Variants in MOV10L1 observed in about 807,000 individuals in gnomAD.
MOV10L1 encodes the protein Mov10 like RNA helicase 1, also known as RNA helicase Mov10l1.
A neutral mutation model predicts 143.8 loss-of-function variants in MOV10L1; 110 were observed. The ratio of observed to expected loss-of-function variants is 0.76; its 90% confidence interval spans 0.66 to 0.90. The LOEUF is 0.90. MOV10L1 is among the 40% of genes least tolerant of loss of function. The probability of loss-of-function intolerance (pLI) is 0.00; values close to 1 mark genes in which losing one functional copy is unlikely to be tolerated. For missense variants in MOV10L1, 1,406 were observed against 1,526.8 expected (o/e 0.92, Z 1.32); for synonymous variants, 593 against 581.1 (o/e 1.02, Z -0.29).
At chr22:50,106,699 C>CTT (rs71198216) in intron 3 of MOV10L1, among the ~76,000 whole-genome samples, 76 of 120,686 alleles carry the variant, frequency 6.3e-4, no homozygotes, top group African/African-American at 1.0e-3. Context: ...AGGACATGGT[C>CTT]TTTTTTTTTT....
chr22:50,143,947 C>T lies in MOV10L1; in HGVS notation c.2359-150C>T, dbSNP rs138262874. On this transcript the variant is annotated intron_variant, in intron 17 of 26. Transcript: ENST00000262794. ...TGGCAGCAGTGTGATGAGGCAGAGT[C>T]GTGGCCCAGGTCTCAGTGTGTTGGG... The T allele has an allele frequency of 9.0e-4, 889 of 987,616 alleles. 2 individuals carry two copies. The highest frequency in any genetic ancestry group is 1.2e-3 in the Non-Finnish European group (783 of 664,836). 61.2% of individuals were successfully genotyped at this position (987,616 alleles called of 1,614,324 possible).
At chr22:50,111,440 GT>G (rs1460100149) in intron 5 of MOV10L1, among the ~76,000 whole-genome samples, 3 of 128,728 alleles carry the variant, frequency 2.3e-5, no homozygotes, top group African/African-American at 5.9e-5. Flanking sequence ...TTCTGGCTGA[GT>G]TTTTTCCTTT....
At chr22:50,105,997 TA>T (rs1445019276) in intron 3 of MOV10L1, among the ~76,000 whole-genome samples, 1 of 152,234 alleles carries the variant, frequency 6.6e-6, no homozygotes, top group Non-Finnish European at 1.5e-5. Flanking sequence ...GTCTGATTTG[TA>T]CTGTGGTGCT....
chr22:50,121,590 TGGGCA>T (rs1277347952), intron 10 of MOV10L1, among the ~76,000 whole-genome samples: 1 of 152,246 alleles, frequency 6.6e-6, no homozygotes, highest in Non-Finnish European at 1.5e-5. Flanking sequence ...TCACAGATCC[TGGGCA>T]GGGAGGTTGC....
chr22:50,108,844 G>A lies in MOV10L1; in HGVS notation c.743G>A (p.Arg248Gln), dbSNP rs1167734307. 1.9e-5 allele frequency: 31 copies of A among 1,613,602 alleles called. No homozygotes were observed. The highest frequency in any genetic ancestry group is 3.3e-4 in the Middle Eastern group (2 of 6,072). Residue 248 changes from arginine (R) to glutamine (Q), a missense_variant and splice_region_variant, in exon 5 of 27, where the codon CGA becomes CAA. Arg to Gln is a conservative substitution (Grantham distance 43). Coordinates refer to ENST00000262794, the MANE Select transcript of MOV10L1 (RefSeq NM_018995.3). The part of the protein sequence containing the change: ...RALCMTLVKR[R>Q]DAAPVHEATH... ...CTTTGTATGACCCTAGTGAAGAGGCGGTAAGAAAATGCTTTTCTGGCCAGG... is the reference window on the plus strand; with the variant it reads ...CTTTGTATGACCCTAGTGAAGAGGCAGTAAGAAAATGCTTTTCTGGCCAGG...
chr22:50,153,595 C>T (rs2063352452), intron 22 of MOV10L1, among the ~76,000 whole-genome samples: 1 of 152,158 alleles, frequency 6.6e-6, no homozygotes, highest in Admixed American at 6.5e-5. Flanking sequence ...CGCCTCCCTC[C>T]CGGTGCTTCC....
intron 15 of MOV10L1, among the ~76,000 whole-genome samples, chr22:50,141,628 C>T (rs1182837094): frequency 1.3e-5 from 2 of 152,028 alleles, no homozygotes; most frequent in Non-Finnish European, 2.9e-5. Context: ...GCGTGAGCCC[C>T]GTGCCCGGCC....
rs368420186 is a variant in MOV10L1 at position 50,091,992 on chromosome 22, C to G, written c.98-9C>G. 2 of 1,609,082 alleles carry G rather than the reference C, an allele frequency of 1.2e-6. No homozygotes were observed. Among genetic ancestry groups the G allele is most frequent in the Non-Finnish European group, 1.7e-6 (2 of 1,177,440 alleles). On this transcript the variant is annotated splice_polypyrimidine_tract_variant and intron_variant, in intron 1 of 26. Coordinates refer to ENST00000262794, the MANE Select transcript of MOV10L1 (RefSeq NM_018995.3). ...TGGCCAAGATAACTTCTTTGTTTAC[C>G]TACCTCAGGTGACACTAAGCTGAAA... is the stretch of plus-strand genomic sequence containing the variant.
At chr22:50,149,143 A>G (rs560375504) in intron 19 of MOV10L1, among the ~76,000 whole-genome samples, 1 of 152,342 alleles carries the variant, frequency 6.6e-6, no homozygotes, top group African/African-American at 2.4e-5. Context: ...GCCTGTTCTC[A>G]GCGCTTTACA....
At position 50,129,680 on chromosome 22, in the gene MOV10L1, C is replaced by T. The variant is rs536255121; in HGVS notation, c.1910+1173C>T. ...TCCATGTGTATAACAGCCTGCTGATCGGTGCCCTTTCTGTAATCTGATTTT... is the reference window on the plus strand; with the variant it reads ...TCCATGTGTATAACAGCCTGCTGATTGGTGCCCTTTCTGTAATCTGATTTT... On this transcript the variant is annotated intron_variant, in intron 13 of 26. Coordinates refer to ENST00000262794, the MANE Select transcript of MOV10L1 (RefSeq NM_018995.3). Among the ~76,000 whole-genome samples, 9 of 152,250 alleles carry T rather than the reference C, an allele frequency of 5.9e-5. No individual in the cohort carries two copies. In the East Asian group the frequency reaches 1.3e-3, roughly 23 times the overall value.
At chr22:50,119,513 TCATGGTAGGAA>T (rs2147182359) in intron 9 of MOV10L1, among the ~76,000 whole-genome samples, 1 of 152,178 alleles carries the variant, frequency 6.6e-6, no homozygotes, top group South Asian at 2.1e-4. Context: ...TAGCCACCCA[TCATGGTAGGAA>T]CCACATTTTG....
Position 50,099,425 on chromosome 22 carries a change from G to T in MOV10L1, c.283-18G>T. 1.9e-6 allele frequency: 3 copies of T among 1,611,864 alleles called. No individual in the cohort carries two copies. The highest frequency in any genetic ancestry group is 2.5e-6 in the Non-Finnish European group (3 of 1,178,388). ...TAGTTCTCGTATTATGGTTTAGAGC[G>T]GTGTGTTTGTTTTACAGGTAGAAGC... On this transcript the variant is annotated intron_variant, in intron 2 of 26. Coordinates refer to ENST00000262794, the MANE Select transcript of MOV10L1 (RefSeq NM_018995.3).
intron 12 of MOV10L1, among the ~76,000 whole-genome samples, chr22:50,127,624 A>G (rs1186436123): frequency 1.3e-5 from 2 of 152,172 alleles, no homozygotes; most frequent in East Asian, 3.9e-4. Flanking sequence ...TCACCTGGAG[A>G]AGAGCTTGAG....
chr22:50,114,528 A>G lies in MOV10L1; in HGVS notation c.1032A>G (p.Ser344=). The change falls in exon 7 of 27, where the codon TCA becomes TCG. Residue 344 remains serine (S), a synonymous_variant. Transcript: ENST00000262794. ...CTGTTCCTGAGAAGGAGAATTCATCAGATGAAAATATTAATTCATTAAATA... is the reference window on the plus strand; with the variant it reads ...CTGTTCCTGAGAAGGAGAATTCATCGGATGAAAATATTAATTCATTAAATA... The part of the protein sequence containing the change: ...FVSVPEKENS[S]DENINSLNSH... 1.9e-6 allele frequency: 3 copies of G among 1,614,256 alleles called. No individual in the cohort carries two copies. The highest frequency in any genetic ancestry group is 1.7e-6 in the Non-Finnish European group (2 of 1,180,050).
intron 3 of MOV10L1, among the ~76,000 whole-genome samples, chr22:50,100,296 T>C (rs2062706420): frequency 1.3e-5 from 2 of 152,058 alleles, no homozygotes; most frequent in South Asian, 4.1e-4. Flanking sequence ...CCCAGCCAGG[T>C]CACTGTTTAA....
In MOV10L1 at chr22:50,159,639, C is replaced by T; in HGVS notation, c.3217-39C>T. The T allele has an allele frequency of 2.4e-6, 3 of 1,269,090 alleles. No homozygotes were observed. The highest frequency in any genetic ancestry group is 4.7e-5 in the East Asian group (2 of 42,122). 78.6% of individuals were successfully genotyped at this position (1,269,090 alleles called of 1,614,324 possible). A position where few individuals can be genotyped will look rare whatever the true frequency, so the allele number is the denominator to read the frequency against. On this transcript the variant is annotated intron_variant, in intron 23 of 26. Transcript: ENST00000262794. This position sits in a 1 kb window ranked among gnomAD's most constrained non-coding sequence, Gnocchi z 4.1. ...GGAAAAGAAAAGAAATGGATTTGTA[C>T]AGTGTTATCTTTAGTCTTTCTTTTA...
chr22:50,150,496 TG>T (rs996410964), intron 20 of MOV10L1, among the ~76,000 whole-genome samples: 13 of 152,164 alleles, frequency 8.5e-5, no homozygotes, highest in Admixed American at 7.8e-4. Context: ...AAAACCAGGC[TG>T]CAGAAGCCGG....
At position 50,117,154 on chromosome 22, in the gene MOV10L1, A is replaced by G. The variant is rs770554855; in HGVS notation, c.1260-3A>G. 19 of 1,583,718 alleles carry G rather than the reference A, an allele frequency of 1.2e-5. No individual in the cohort carries two copies. The African/African-American group carries it at 2.5e-4, about 21-fold the overall frequency. ...AACTAAATTTCATTTTGTTTTTTTCAAGAAATCCTGGCCGCTGCAAGGAGC... is the reference window on the plus strand; with the variant it reads ...AACTAAATTTCATTTTGTTTTTTTCGAGAAATCCTGGCCGCTGCAAGGAGC... On this transcript the variant is annotated splice_region_variant and splice_polypyrimidine_tract_variant and intron_variant, in intron 8 of 26. Transcript: ENST00000262794.
intron 3 of MOV10L1, among the ~76,000 whole-genome samples, chr22:50,106,440 CT>C (rs1773255972): frequency 7.0e-6 from 1 of 143,306 alleles, no homozygotes; most frequent in African/African-American, 2.6e-5. Flanking sequence ...TGCTAGAAAT[CT>C]TTACTATGAT....
Sources: gnomAD v4.1 joint callset for allele counts (sites outside exome capture counted in the v4.1 genomes callset) on GRCh38, gnomAD v4.1.1 for gene constraint, Gnocchi (gnomAD v3.1) non-coding constraint, MANE v1.5 for transcripts, NCBI Gene and HGNC (gene_info 2026-07-23, HGNC 2026-07-21) for gene names.